The following DDX10 variants were observed in gnomAD, a reference collection of about 807,000 sequenced individuals.
The protein encoded by DDX10 is probable ATP-dependent RNA helicase DDX10.
DDX10 carries 74 observed loss-of-function variants against 104.3 expected under a neutral mutation model. That is an observed-to-expected ratio of 0.71 (90% confidence interval 0.59 to 0.86). DDX10 has a LOEUF of 0.86. DDX10 is among the 40% of genes least tolerant of loss of function. DDX10 has a pLI of 0.00. For synonymous variants in DDX10, 351 were observed against 353.4 expected (o/e 0.99, Z 0.08); for missense variants, 952 against 1,040.0 (o/e 0.92, Z 1.16).
rs1295306525 is a variant in DDX10, at chr11:108,679,391, A to G, written c.679A>G (p.Ile227Val). ...QMLVLDEADR[I>V]LDMGFADTMN... ...TTCAGTTCTTGATGAAGCAGATAGA[A>G]TCTTGGATATGGGCTTTGCTGATAC... The change falls in exon 6 of 18, where the codon ATC becomes GTC. Residue 227 changes from isoleucine (I) to valine (V), a missense_variant. By Grantham distance (29) the Ile-to-Val change is conservative. Transcript: ENST00000322536. The G allele has an allele frequency of 6.3e-7, 1 of 1,599,318 alleles. No homozygotes were observed. The highest frequency in any genetic ancestry group is 8.5e-7 in the Non-Finnish European group (1 of 1,176,754).
intron 13 of DDX10, among the ~76,000 whole-genome samples, chr11:108,764,313 G>C (rs1178478576): frequency 6.6e-6 from 1 of 152,144 alleles, no homozygotes; most frequent in Admixed American, 6.6e-5. Flanking sequence ...TTTGATGTTG[G>C]GGGGAATAGC....
intron 16 of DDX10, among the ~76,000 whole-genome samples, chr11:108,888,781 G>GT (rs1211510296): frequency 4.9e-5 from 7 of 141,938 alleles, no homozygotes; most frequent in African/African-American, 1.6e-4. Flanking sequence ...AAATTCTATC[G>GT]TTTAAAAAAA....
At chr11:108,804,653 G>T (rs947758989) in intron 13 of DDX10, among the ~76,000 whole-genome samples, 1 of 152,180 alleles carries the variant, frequency 6.6e-6, no homozygotes, top group Non-Finnish European at 1.5e-5. Flanking sequence ...GCAATTAAGT[G>T]TTGGCCAGTT....
At chr11:108,689,168 T>C in intron 7 of DDX10, 106 bp downstream of exon 7, 1 of 1,194,534 alleles carries the variant, frequency 8.4e-7, no homozygotes, top group East Asian at 2.4e-5. Context: ...CAGTGCTAGG[T>C]GTGGTGAGGG....
rs530753037 is a variant in DDX10 at position 108,668,705 on chromosome 11, G to T, written c.186+3366G>T. ...CAATTTGACAGGCACTTGTCTAGGC[G>T]GGTGTGAGTATATATGGAAAAAAAA... On this transcript the variant is annotated intron_variant, in intron 1 of 17. Transcript: ENST00000322536. Among the ~76,000 whole-genome samples the T allele has an allele frequency of 3.3e-5, 5 of 152,200 alleles. No homozygotes were observed. The South Asian group carries it at 1.0e-3, about 32-fold the overall frequency.
At chr11:108,794,710 A>G (rs1016234069) in intron 13 of DDX10, among the ~76,000 whole-genome samples, 4 of 152,064 alleles carry the variant, frequency 2.6e-5, no homozygotes, top group Non-Finnish European at 5.9e-5. Context: ...CTTTCCTGGC[A>G]TGTACCCCTC....
intron 6 of DDX10, among the ~76,000 whole-genome samples, chr11:108,682,852 AT>A (rs920337353): frequency 1.3e-5 from 2 of 150,014 alleles, no homozygotes; most frequent in Non-Finnish European, 3.0e-5. Context: ...TTTCATCTTC[AT>A]TTTTTTTTGA....
At chr11:108,892,081 A>G (rs1863383793) in intron 16 of DDX10, among the ~76,000 whole-genome samples, 1 of 152,066 alleles carries the variant, frequency 6.6e-6, no homozygotes, top group Non-Finnish European at 1.5e-5. Context: ...TGTAGTTCGG[A>G]TATTTGACCC....
intron 16 of DDX10, among the ~76,000 whole-genome samples, chr11:108,871,954 G>A (rs533500089): frequency 1.3e-5 from 2 of 151,942 alleles, no homozygotes; most frequent in Non-Finnish European, 2.9e-5. Flanking sequence ...AGCTTTGATA[G>A]GGTGAATGCC....
At chr11:108,893,379 T>C (rs1476812613) in intron 16 of DDX10, among the ~76,000 whole-genome samples, 5 of 152,102 alleles carry the variant, frequency 3.3e-5, no homozygotes, top group Admixed American at 2.0e-4. Context: ...TACTACCGTA[T>C]TTTTCTACTA....
In DDX10 at chr11:108,760,616, G is replaced by A. The variant is rs530893826; in HGVS notation, c.1965+37154G>A. 4.0e-5 allele frequency among the ~76,000 whole-genome samples: 6 copies of A among 150,772 alleles called. No homozygotes were observed. The South Asian group carries it at 1.3e-3, about 32-fold the overall frequency. On this transcript the variant is annotated intron_variant, in intron 13 of 17. Transcript: ENST00000322536. ...TGTAAATGAAATATGTTTTTATTTG[G>A]AAAAATATAAGATCATACTGGGATT...
intron 4 of DDX10, 118 bp downstream of exon 4, chr11:108,677,361 C>A: frequency 1.1e-6 from 1 of 885,022 alleles, no homozygotes; most frequent in Non-Finnish European, 1.7e-6. Flanking sequence ...ACCAGGGCCT[C>A]ATGGGATAGT....
intron 13 of DDX10, among the ~76,000 whole-genome samples, chr11:108,780,458 T>C (rs2094376666): frequency 1.3e-5 from 2 of 152,166 alleles, no homozygotes; most frequent in African/African-American, 2.4e-5. Context: ...ATAGGTCTAG[T>C]CTGTCTGTTT....
chr11:108,709,334 T>C (rs957058519), intron 10 of DDX10, among the ~76,000 whole-genome samples: 2 of 152,266 alleles, frequency 1.3e-5, no homozygotes, highest in African/African-American at 4.8e-5. Context: ...TCCCTCTGAC[T>C]CTGTCTTCTG....
intron 15 of DDX10, among the ~76,000 whole-genome samples, chr11:108,849,827 T>C (rs1047433183): frequency 6.6e-6 from 1 of 152,138 alleles, no homozygotes; most frequent in African/African-American, 2.4e-5. Context: ...AAGATTCACT[T>C]ATACTTTTCT....
At chr11:108,870,882 A>G (rs1220330550) in intron 16 of DDX10, among the ~76,000 whole-genome samples, 1 of 152,240 alleles carries the variant, frequency 6.6e-6, no homozygotes, top group African/African-American at 2.4e-5. Context: ...TATCGAGTGA[A>G]AGAAGCAGTA....
At chr11:108,785,958 G>A (rs759676910) in intron 13 of DDX10, among the ~76,000 whole-genome samples, 2 of 151,670 alleles carry the variant, frequency 1.3e-5, no homozygotes, top group South Asian at 2.1e-4. Flanking sequence ...AGATCTTTCC[G>A]ACCTCTTGAT....
At chr11:108,893,796 G>A (rs1360779986) in intron 16 of DDX10, among the ~76,000 whole-genome samples, 1 of 151,988 alleles carries the variant, frequency 6.6e-6, no homozygotes, top group Non-Finnish European at 1.5e-5. Context: ...ACAGAATATT[G>A]GGGACTGATA....
At chr11:108,749,570 A>G (rs1006449491) in intron 13 of DDX10, among the ~76,000 whole-genome samples, 15 of 152,176 alleles carry the variant, frequency 9.9e-5, no homozygotes, top group African/African-American at 3.1e-4. Context: ...GACGCTTCTT[A>G]GAGGTGTCAT....
Sources: gnomAD v4.1 joint callset for allele counts (sites outside exome capture counted in the v4.1 genomes callset) on GRCh38, gnomAD v4.1.1 for gene constraint, MANE v1.5 for transcripts, NCBI Gene and HGNC (gene_info 2026-07-23, HGNC 2026-07-21) for gene names.